The following GRM7 variants were observed in gnomAD, a reference collection of about 807,000 sequenced individuals.
The protein encoded by GRM7 is glutamate metabotropic receptor 7, also known as metabotropic glutamate receptor 7.
In GRM7, 35 loss-of-function variants were observed where a neutral mutation model predicts 84.5. The ratio of observed to expected loss-of-function variants is 0.41; its 90% confidence interval spans 0.32 to 0.55. GRM7 has a LOEUF of 0.55. Ranked by LOEUF, GRM7 falls within the 20% of genes least tolerant of loss-of-function variation. GRM7 has a pLI of 0.19. For synonymous variants in GRM7, 487 were observed against 455.1 expected, an observed-to-expected ratio of 1.07 and a Z score of -0.89; for missense variants, 1,003 against 1,194.6, an observed-to-expected ratio of 0.84 and a Z score of 2.36.
chr3:7,266,030 G>A (rs929553760), intron 2 of GRM7, among the ~76,000 whole-genome samples: 1 of 152,122 alleles, frequency 6.6e-6, no homozygotes, highest in South Asian at 2.1e-4. Context: ...GGAGATGTAT[G>A]AGCCTGTGAG....
chr3:7,492,841 G>T (rs1699570945), intron 7 of GRM7, among the ~76,000 whole-genome samples: 1 of 151,920 alleles, frequency 6.6e-6, no homozygotes, highest in African/African-American at 2.4e-5. Flanking sequence ...ATCCCTCTCA[G>T]CTGGGCTTTA....
At chr3:6,936,568 T>C (rs1697701672) in intron 1 of GRM7, among the ~76,000 whole-genome samples, 1 of 152,224 alleles carries the variant, frequency 6.6e-6, no homozygotes, top group African/African-American at 2.4e-5. Context: ...AATTCCTGGA[T>C]GTACTTAAAA....
At chr3:6,936,540 T>A (rs949420325) in intron 1 of GRM7, among the ~76,000 whole-genome samples, 1 of 152,214 alleles carries the variant, frequency 6.6e-6, no homozygotes, top group African/African-American at 2.4e-5. Flanking sequence ...TTATCACCAT[T>A]CATTCTCTCA....
At chr3:7,512,288 G>T (rs893512195) in intron 7 of GRM7, among the ~76,000 whole-genome samples, 1 of 152,132 alleles carries the variant, frequency 6.6e-6, no homozygotes, top group Non-Finnish European at 1.5e-5. Flanking sequence ...AGATATAGGT[G>T]ATTTCCAAGC....
intron 1 of GRM7, among the ~76,000 whole-genome samples, chr3:6,916,480 T>C (rs1405111490): frequency 6.6e-6 from 1 of 152,138 alleles, no homozygotes; most frequent in Non-Finnish European, 1.5e-5. Context: ...TTTGACTAAG[T>C]AATTTATAAA....
At chr3:7,338,115 T>TACACAC (rs141499269) in intron 4 of GRM7, among the ~76,000 whole-genome samples, 6,911 of 146,894 alleles carry the variant, frequency 0.047, 179 homozygotes, top group African/African-American at 0.054. Flanking sequence ...TATATTTATG[T>TACACAC]ACACACACAC....
intron 7 of GRM7, among the ~76,000 whole-genome samples, chr3:7,548,938 C>A (rs1431505272): frequency 6.6e-6 from 1 of 152,200 alleles, no homozygotes; most frequent in Non-Finnish European, 1.5e-5. Flanking sequence ...GGACTCAATG[C>A]ATGGTGGTGG....
intron 7 of GRM7, among the ~76,000 whole-genome samples, chr3:7,509,041 T>C (rs1280771775): frequency 6.6e-6 from 1 of 152,190 alleles, no homozygotes; most frequent in Non-Finnish European, 1.5e-5. Flanking sequence ...CTGAATATTA[T>C]GGCAAAATCT....
chr3:6,905,881 G>C (rs933940198), intron 1 of GRM7, among the ~76,000 whole-genome samples: 1 of 152,096 alleles, frequency 6.6e-6, no homozygotes, highest in Non-Finnish European at 1.5e-5. Context: ...TTTCTTCCTT[G>C]ATTTAACTAA....
intron 9 of GRM7, among the ~76,000 whole-genome samples, chr3:7,714,207 G>T (rs1291172718): frequency 6.6e-6 from 1 of 152,142 alleles, no homozygotes; most frequent in Non-Finnish European, 1.5e-5. Flanking sequence ...AAATCAAACT[G>T]GGGGAGGAGA....
At chr3:7,112,101 T>C (rs1407271827) in intron 1 of GRM7, among the ~76,000 whole-genome samples, 1 of 152,160 alleles carries the variant, frequency 6.6e-6, no homozygotes, top group Non-Finnish European at 1.5e-5. Context: ...AAAGATCACC[T>C]CTCAAAGAAA....
chr3:7,302,931 A>ATTTTTTTTTTTTTTTTTTTT (rs761399796), intron 3 of GRM7, among the ~76,000 whole-genome samples: 5 of 121,920 alleles, frequency 4.1e-5, no homozygotes, highest in African/African-American at 1.8e-4. Context: ...TGATTGTTCT[A>ATTTTTTTTTTTTTTTTTTTT]TTTTTTTTTT....
In GRM7 at chr3:7,664,457, G is replaced by A. The variant is rs78890991; in HGVS notation, c.2452-15592G>A. 2.6e-3 allele frequency among the ~76,000 whole-genome samples: 390 copies of A among 152,266 alleles called. 3 individuals carry two copies. Among genetic ancestry groups the A allele is most frequent in the African/African-American group, 8.9e-3 (369 of 41,546 alleles). ...CACTGGAGATCTGGGGTACCTTTCC[G>A]AGTATCTCATGTGTTACTATGGGCA... On this transcript the variant is annotated intron_variant, in intron 8 of 9. Transcript: ENST00000357716.
At chr3:6,867,461 C>T (rs1694976737) in intron 1 of GRM7, among the ~76,000 whole-genome samples, 2 of 152,132 alleles carry the variant, frequency 1.3e-5, no homozygotes, top group African/African-American at 2.4e-5. Flanking sequence ...GTATAGGCCT[C>T]CTATCTGAAA....
intron 1 of GRM7, among the ~76,000 whole-genome samples, chr3:7,046,073 T>A (rs1235098277): frequency 6.6e-6 from 1 of 152,090 alleles, no homozygotes; most frequent in Non-Finnish European, 1.5e-5. Context: ...TTCTAATAGG[T>A]GTGAGGTAAT....
At chr3:7,653,020 C>T (rs1467573991) in intron 8 of GRM7, among the ~76,000 whole-genome samples, 2 of 152,104 alleles carry the variant, frequency 1.3e-5, no homozygotes, top group East Asian at 3.9e-4. Flanking sequence ...AGCTCCCCGC[C>T]TGGCTAACAA....
intron 5 of GRM7, among the ~76,000 whole-genome samples, chr3:7,437,769 T>C (rs939549891): frequency 3.9e-5 from 6 of 152,136 alleles, no homozygotes; most frequent in African/African-American, 1.4e-4. Context: ...AATATAACTA[T>C]ATAATTCTTT....
chr3:7,241,443 T>C (rs1697554606), intron 2 of GRM7, among the ~76,000 whole-genome samples: 1 of 152,144 alleles, frequency 6.6e-6, no homozygotes, highest in East Asian at 1.9e-4. Flanking sequence ...ACTTACTTTT[T>C]TAAAGTTTAA....
chr3:7,444,463 T>C (rs546533123), intron 5 of GRM7, among the ~76,000 whole-genome samples: 1 of 152,320 alleles, frequency 6.6e-6, no homozygotes, highest in South Asian at 2.1e-4. Flanking sequence ...TTTTGTTTGT[T>C]TGTCTGGTAA....
Sources: allele counts gnomAD v4.1 joint callset (sites outside exome capture counted in the v4.1 genomes callset), GRCh38; gene constraint gnomAD v4.1.1; transcripts MANE v1.5; gene names NCBI Gene and HGNC (gene_info 2026-07-23, HGNC 2026-07-21).